CYB5D2: variants seen among roughly 807,000 people sequenced by gnomAD.
CYB5D2 encodes cytochrome b5 domain containing 2, also known as neuferricin.
Under a neutral mutation model 22.8 loss-of-function variants are expected in CYB5D2, and 23 were observed. That is an observed-to-expected ratio of 1.01 (90% CI 0.73 to 1.43). The LOEUF is 1.43. Ranked by LOEUF, CYB5D2 falls within the 40% of genes most tolerant of loss-of-function variation. The probability of loss-of-function intolerance (pLI) is 0.00; values close to 1 mark genes in which losing one functional copy is unlikely to be tolerated. For synonymous variants in CYB5D2, 170 were observed against 152.2 expected, an observed-to-expected ratio of 1.12 and a Z score of -0.86; for missense variants, 373 against 357.2, an observed-to-expected ratio of 1.04 and a Z score of -0.36.
chr17:4,151,912 A>G (rs2059062598), intron 2 of CYB5D2, among the ~76,000 whole-genome samples: 1 of 151,954 alleles, frequency 6.6e-6, no homozygotes. Flanking sequence ...AGGCTGAAGC[A>G]TGAGAATCAC....
intron 2 of CYB5D2, among the ~76,000 whole-genome samples, chr17:4,152,463 C>T (rs78800959): frequency 6.6e-6 from 1 of 152,198 alleles, no homozygotes; most frequent in Non-Finnish European, 1.5e-5. Flanking sequence ...CAAGGGAAAA[C>T]AAGATGGCCT....
intron 3 of CYB5D2, among the ~76,000 whole-genome samples, chr17:4,156,196 C>T (rs2059111131): frequency 2.0e-5 from 3 of 152,352 alleles, no homozygotes; most frequent in Admixed American, 2.0e-4. Flanking sequence ...CCTCTGAGTC[C>T]ATCAGAGACT....
intron 3 of CYB5D2, among the ~76,000 whole-genome samples, chr17:4,156,219 CT>C (rs1245193343): frequency 3.3e-5 from 5 of 152,258 alleles, no homozygotes; most frequent in Non-Finnish European, 7.3e-5. Context: ...GCCCAGTGCC[CT>C]GAGGTGGGCA....
At chr17:4,144,791 G>C (rs530396217) in intron 1 of CYB5D2, among the ~76,000 whole-genome samples, 2 of 152,168 alleles carry the variant, frequency 1.3e-5, no homozygotes, top group Admixed American at 1.3e-4. Flanking sequence ...CACCAGTCTA[G>C]TGCTTTTTTT....
Position 4,157,257 on chromosome 17 carries a change from G to A in CYB5D2, c.*175G>A. The A allele has an allele frequency of 1.4e-6, 1 of 733,310 alleles. No homozygotes were observed. The highest frequency in any genetic ancestry group is 2.2e-6 in the Non-Finnish European group (1 of 452,556). 45.4% of individuals were successfully genotyped at this position (733,310 alleles called of 1,614,324 possible). A position where few individuals can be genotyped will look rare whatever the true frequency, so the allele number is the denominator to read the frequency against. On this transcript the variant is annotated 3_prime_UTR_variant, in exon 4 of 4. Coordinates refer to ENST00000301391, the MANE Select transcript of CYB5D2 (RefSeq NM_144611.4). The surrounding 1 kb of genome is among the most constrained non-coding windows in gnomAD (Gnocchi z 4.4). ...CCTTACCGTGGCTCGGCGTTGTGGT[G>A]CCTGAGGGACAGCCGGCCACCTGCC... is the stretch of plus-strand genomic sequence containing the variant.
chr17:4,143,667 G>A lies in CYB5D2; in HGVS notation c.-89G>A, dbSNP rs2058923707. 5.3e-6 allele frequency: 8 copies of A among 1,507,082 alleles called. No homozygotes were observed. In the East Asian group the frequency reaches 1.6e-4, roughly 31 times the overall value. The allele number at this position is 1,507,082 out of a possible 1,614,324, so 93.4% of individuals were successfully genotyped here. ...CGAGAGAGAGAGCGAGAGCGCGCGC[G>A]CCGATGACGTCACGCTCGGCGTCTC... On this transcript the variant is annotated 5_prime_UTR_variant, in exon 1 of 4. Transcript: ENST00000301391.
At chr17:4,150,131 A>G (rs1317281155) in intron 2 of CYB5D2, 100 bp downstream of exon 2, 18 of 1,440,458 alleles carry the variant, frequency 1.2e-5, no homozygotes, top group Non-Finnish European at 1.5e-5. Flanking sequence ...AATCTGAAAA[A>G]CAGCCATGGA....
Position 4,143,886 on chromosome 17 carries a change from C to A in CYB5D2, c.131C>A (p.Ser44Tyr). The change falls in exon 1 of 4, where the codon TCT (serine) becomes TAT (tyrosine). Residue 44 changes from serine (S) to tyrosine (Y), a missense_variant. By Grantham distance (144) the Ser-to-Tyr change is moderately radical. Transcript: ENST00000301391. ...GFRLFIPEEL[S>Y]RYRGGPGDPG... The stretch of plus-strand genomic sequence containing the variant: ...CGCCTTTTCATACCGGAGGAGCTGT[C>A]TCGCTACCGCGGCGGCCCAGGGGAC... 1 of 1,614,066 alleles carries A rather than the reference C, an allele frequency of 6.2e-7. No individual in the cohort carries two copies. Among genetic ancestry groups the A allele is most frequent in the Non-Finnish European group, 8.5e-7 (1 of 1,180,028 alleles).
At chr17:4,147,670 A>G (rs2059007470) in intron 1 of CYB5D2, among the ~76,000 whole-genome samples, 1 of 152,180 alleles carries the variant, frequency 6.6e-6, no homozygotes, top group Non-Finnish European at 1.5e-5. Flanking sequence ...CCTGACTAAC[A>G]TGGAGAAACC....
chr17:4,145,156 A>T (rs1389992698), intron 1 of CYB5D2, among the ~76,000 whole-genome samples: 1 of 152,196 alleles, frequency 6.6e-6, no homozygotes, highest in Non-Finnish European at 1.5e-5. Context: ...AAAAAGAAAA[A>T]AAAAGTGCAG....
chr17:4,155,157 C>T (rs1002401129), intron 3 of CYB5D2, among the ~76,000 whole-genome samples: 12 of 152,076 alleles, frequency 7.9e-5, no homozygotes, highest in Non-Finnish European at 1.3e-4. Flanking sequence ...AACCTTGACC[C>T]GGGAATGAGA....
intron 2 of CYB5D2, among the ~76,000 whole-genome samples, chr17:4,151,954 C>T (rs781140516): frequency 3.3e-5 from 5 of 150,740 alleles, no homozygotes; most frequent in African/African-American, 7.3e-5. Flanking sequence ...TGCGATAAGC[C>T]GAGATCACAT....
intron 1 of CYB5D2, among the ~76,000 whole-genome samples, chr17:4,148,829 A>T (rs1049091256): frequency 1.6e-4 from 24 of 151,710 alleles, no homozygotes; most frequent in Non-Finnish European, 3.4e-4. Context: ...TCTCATGCAC[A>T]AAAAAAAAGA....
chr17:4,154,019 G>C (rs1366027975), intron 2 of CYB5D2, among the ~76,000 whole-genome samples: 5 of 152,212 alleles, frequency 3.3e-5, no homozygotes, highest in Admixed American at 6.5e-5. Context: ...CCTCTGAAGG[G>C]CATTTGCACC....
At chr17:4,146,486 G>A (rs546094641) in intron 1 of CYB5D2, among the ~76,000 whole-genome samples, 2 of 152,100 alleles carry the variant, frequency 1.3e-5, no homozygotes, top group South Asian at 4.1e-4. Flanking sequence ...CGCCTCCTGA[G>A]TTCATGCCAT....
chr17:4,153,897 A>G (rs906447983), intron 2 of CYB5D2, among the ~76,000 whole-genome samples: 2 of 152,226 alleles, frequency 1.3e-5, no homozygotes, highest in Non-Finnish European at 1.5e-5. Flanking sequence ...TGCGCTGAAC[A>G]TACGCGCCAC....
Position 4,143,816 on chromosome 17 carries a change from A to C in CYB5D2, c.61A>C (p.Met21Leu). 1 of 1,614,126 alleles carries C rather than the reference A, an allele frequency of 6.2e-7. No individual in the cohort carries two copies. Among genetic ancestry groups the C allele is most frequent in the Admixed American group, 1.7e-5 (1 of 60,032 alleles). Residue 21 changes from methionine to leucine, a missense_variant, in exon 1 of 4, where the codon ATG becomes CTG. By Grantham distance (15) the Met-to-Leu change is conservative. Coordinates refer to ENST00000301391, the MANE Select transcript of CYB5D2 (RefSeq NM_144611.4). ...CCTGGCTGTAGCCGCAGCAGCGGTA[A>C]TGGCAGCACGGCTTATGGGCTGGTG... ...LGLAVAAAAV[M>L]AARLMGWWGP... is the part of the protein sequence containing the mutation.
At position 4,156,992 on chromosome 17, in the gene CYB5D2, A is replaced by T; in HGVS notation, c.705A>T (p.Pro235=). The change falls in exon 4 of 4, where the codon CCA becomes CCT. Residue 235 remains proline, a synonymous_variant. Coordinates refer to ENST00000301391, the MANE Select transcript of CYB5D2 (RefSeq NM_144611.4). The stretch of plus-strand genomic sequence containing the variant: ...GTGGCCAGATGCCGGACAACCCTCC[A>T]CACAGAAATCGTGGGGACCTGGACC... ...PPSGQMPDNP[P]HRNRGDLDHP... 6.2e-7 allele frequency: 1 copy of T among 1,612,868 alleles called. No homozygotes were observed. Among genetic ancestry groups the T allele is most frequent in the Non-Finnish European group, 8.5e-7 (1 of 1,180,024 alleles).
intron 2 of CYB5D2, among the ~76,000 whole-genome samples, chr17:4,153,608 A>G (rs966276081): frequency 6.6e-6 from 1 of 152,202 alleles, no homozygotes; most frequent in African/African-American, 2.4e-5. Context: ...GGAGGGCATG[A>G]GCTGACCAGA....
Sources: allele counts gnomAD v4.1 joint callset (sites outside exome capture counted in the v4.1 genomes callset), GRCh38; gene constraint gnomAD v4.1.1; non-coding constraint Gnocchi (gnomAD v3.1); transcripts MANE v1.5; gene names NCBI Gene and HGNC (gene_info 2026-07-23, HGNC 2026-07-21).